ACBD5: variants seen among roughly 807,000 people sequenced by gnomAD.
The protein encoded by ACBD5 is acyl-CoA binding domain containing 5.
ACBD5 carries 40 observed loss-of-function variants against 71.8 expected under a neutral mutation model. The observed-to-expected ratio is 0.56, with a 90% CI of 0.43 to 0.72. The LOEUF (loss-of-function observed/expected upper bound fraction) is 0.72. Ranked by LOEUF, ACBD5 falls within the 30% of genes least tolerant of loss-of-function variation. The probability of loss-of-function intolerance (pLI) is 0.00; values close to 1 mark genes in which losing one functional copy is unlikely to be tolerated. For missense variants in ACBD5, 559 were observed against 644.5 expected (o/e 0.87, Z 1.44); for synonymous variants, 229 against 218.6 (o/e 1.05, Z -0.42).
At chr10:27,225,622 A>T (rs938712785) in intron 4 of ACBD5, among the ~76,000 whole-genome samples, 2 of 152,228 alleles carry the variant, frequency 1.3e-5, no homozygotes, top group African/African-American at 4.8e-5. Flanking sequence ...GGCCATGTGG[A>T]GGAATGTTTT....
At chr10:27,199,073 C>T (rs1235629958) in intron 12 of ACBD5, among the ~76,000 whole-genome samples, 1 of 151,644 alleles carries the variant, frequency 6.6e-6, no homozygotes, top group African/African-American at 2.4e-5. Context: ...CGGGCCACTG[C>T]ACTCCAGCCT....
chr10:27,225,428 G>C (rs995938934), intron 4 of ACBD5, among the ~76,000 whole-genome samples: 8 of 152,118 alleles, frequency 5.3e-5, no homozygotes, highest in African/African-American at 1.7e-4. Flanking sequence ...ATGTGTAGGA[G>C]GAGGTTGTTG....
intron 4 of ACBD5, among the ~76,000 whole-genome samples, chr10:27,227,290 TGA>T (rs2063203671): frequency 6.6e-6 from 1 of 152,116 alleles, no homozygotes; most frequent in Non-Finnish European, 1.5e-5. Flanking sequence ...TTTTCCTCAG[TGA>T]GAGACATCAT....
downstream of ACBD5, chr10:27,193,567 TC>T (rs1458130012): frequency 2.6e-5 from 4 of 152,244 alleles, no homozygotes; most frequent in African/African-American, 9.6e-5. Context: ...GTGAGGAGTC[TC>T]CTGTGTGGGA....
At chr10:27,222,410 T>TAAAAAAAAAAA (rs11322768) in intron 5 of ACBD5, among the ~76,000 whole-genome samples, 1 of 140,402 alleles carries the variant, frequency 7.1e-6, no homozygotes, top group Non-Finnish European at 1.5e-5. Flanking sequence ...GACAAAATTC[T>TAAAAAAAAAAA]AAAAAAAAAA....
rs753512408 is a variant in ACBD5 at position 27,240,516 on chromosome 10, T to C, written c.16-32A>G. 1.9e-6 allele frequency: 3 copies of C among 1,574,410 alleles called. No homozygotes were observed. Among genetic ancestry groups the C allele is most frequent in the South Asian group, 2.3e-5 (2 of 87,382 alleles). On this transcript the variant is annotated intron_variant, in intron 1 of 12. Coordinates refer to ENST00000396271, the MANE Select transcript of ACBD5 (RefSeq NM_145698.5). The surrounding 1 kb of genome is among the most constrained non-coding windows in gnomAD (Gnocchi z 4.1). ...CATGGAGCGCAGCCGCGGATCAACA[T>C]GCCCCAAAAGGAGGAGGCCCGGGAG...
chr10:27,197,459 A>G lies in ACBD5; in HGVS notation c.1566-17T>C, dbSNP rs1201903936. 3.1e-6 allele frequency: 5 copies of G among 1,593,894 alleles called. No homozygotes were observed. Among genetic ancestry groups the G allele is most frequent in the African/African-American group, 2.7e-5 (2 of 74,472 alleles). ...TTCAGTTTTCTTTAAAAAGAAAATA[A>G]AAACCAATTTCCTGTGAGTATGAAT... On this transcript the variant is annotated splice_polypyrimidine_tract_variant and intron_variant, in intron 12 of 12. Coordinates refer to ENST00000396271, the MANE Select transcript of ACBD5 (RefSeq NM_145698.5).
intron 4 of ACBD5, among the ~76,000 whole-genome samples, chr10:27,230,823 A>T (rs2063763439): frequency 6.7e-6 from 1 of 150,024 alleles, no homozygotes; most frequent in Non-Finnish European, 1.5e-5. Context: ...AGACTCTATG[A>T]TCATCTTTAA....
chr10:27,212,396 T>C (rs187722470), intron 8 of ACBD5, among the ~76,000 whole-genome samples: 1 of 152,224 alleles, frequency 6.6e-6, no homozygotes, highest in African/African-American at 2.4e-5. Flanking sequence ...AACTAGAATG[T>C]AGCAGCTGGA....
intron 5 of ACBD5, among the ~76,000 whole-genome samples, chr10:27,220,714 T>C (rs1238628110): frequency 6.6e-6 from 1 of 152,082 alleles, no homozygotes; most frequent in African/African-American, 2.4e-5. Flanking sequence ...CATATGAAAA[T>C]GTGAGGGATC....
At chr10:27,213,843 A>C (rs747089982) in intron 8 of ACBD5, among the ~76,000 whole-genome samples, 7 of 152,178 alleles carry the variant, frequency 4.6e-5, no homozygotes, top group African/African-American at 7.2e-5. Context: ...AAGGAAATCA[A>C]TATATTGAAG....
chr10:27,222,278 TC>T (rs2062449138), intron 5 of ACBD5, among the ~76,000 whole-genome samples: 3 of 152,166 alleles, frequency 2.0e-5, no homozygotes, highest in Non-Finnish European at 4.4e-5. Context: ...TGGTCTCATT[TC>T]ACTCTGCTTT....
In ACBD5 at chr10:27,196,065, G is replaced by A. The variant is rs1377011222; in HGVS notation, c.*1365C>T. 2.3e-6 allele frequency: 1 copy of A among 426,948 alleles called. No homozygotes were observed. The highest frequency in any genetic ancestry group is 1.7e-5 in the South Asian group (1 of 59,660). 26.4% of individuals were successfully genotyped at this position (426,948 alleles called of 1,614,324 possible). The stretch of plus-strand genomic sequence containing the variant: ...TAAAAATACAAAATTAGCCAGGCAT[G>A]GTGGTGCATGCCTGTAATCCCAGCT... On this transcript the variant is annotated 3_prime_UTR_variant, in exon 13 of 13. Transcript: ENST00000396271.
At chr10:27,226,448 CTACACACA>C (rs759222121) in intron 4 of ACBD5, among the ~76,000 whole-genome samples, 1 of 90,794 alleles carries the variant, frequency 1.1e-5, no homozygotes, top group Non-Finnish European at 2.4e-5. Context: ...GAGATACAGA[CTACACACA>C]CACACACACA....
In ACBD5 at chr10:27,240,096, A is replaced by G. The variant is rs1589433491; in HGVS notation, c.181+223T>C. Among the ~76,000 whole-genome samples, 1 of 152,306 alleles carries G rather than the reference A, an allele frequency of 6.6e-6. No individual in the cohort carries two copies. Among genetic ancestry groups the G allele is most frequent in the South Asian group, 2.1e-4 (1 of 4,830 alleles). On this transcript the variant is annotated intron_variant, in intron 2 of 12. Coordinates refer to ENST00000396271, the MANE Select transcript of ACBD5 (RefSeq NM_145698.5). This position sits in a 1 kb window ranked among gnomAD's most constrained non-coding sequence, Gnocchi z 4.1. ...AAATCCGCAGTCATTAAGTGACAAG[A>G]CTTTTGTTTTCAACAATATGAAGTA...
At chr10:27,220,595 A>G (rs2062209812) in intron 5 of ACBD5, 2 of 152,200 alleles carry the variant, frequency 1.3e-5, no homozygotes. Context: ...TTGAAAGACA[A>G]TATTTTTGAG....
chr10:27,224,060 A>G (rs763344179), intron 4 of ACBD5, among the ~76,000 whole-genome samples: 8 of 151,814 alleles, frequency 5.3e-5, no homozygotes, highest in Non-Finnish European at 1.0e-4. Context: ...ATAACTTATA[A>G]ATTGTGTATT....
chr10:27,216,528 G>A (rs1437450986), intron 7 of ACBD5, among the ~76,000 whole-genome samples: 2 of 151,942 alleles, frequency 1.3e-5, no homozygotes, highest in African/African-American at 2.4e-5. Flanking sequence ...CACCCGCCTC[G>A]GCCTCCCAAA....
Position 27,240,454 on chromosome 10 carries a change from A to T in ACBD5, c.46T>A (p.Cys16Ser). Residue 16 changes from cysteine to serine, a missense_variant, in exon 2 of 13, where the codon TGC (cysteine) becomes AGC (serine). By Grantham distance (112) the Cys-to-Ser change is moderately radical. Coordinates refer to ENST00000396271, the MANE Select transcript of ACBD5 (RefSeq NM_145698.5). The surrounding 1 kb of genome is among the most constrained non-coding windows in gnomAD (Gnocchi z 4.1). Reference protein sequence around the residue: ...FHAGSWESWCCCCLIPADRPW... With the variant: ...FHAGSWESWCSCCLIPADRPW... Reference sequence around the variant, plus strand: ...CTGTCGGCGGGAATCAGGCAGCAGCAGCACCAGCTTTCCCAAGAGCCTGCA... The same window carrying T: ...CTGTCGGCGGGAATCAGGCAGCAGCTGCACCAGCTTTCCCAAGAGCCTGCA... 6.2e-7 allele frequency: 1 copy of T among 1,613,718 alleles called. No individual in the cohort carries two copies. The highest frequency in any genetic ancestry group is 2.2e-5 in the East Asian group (1 of 44,864).
Sources: allele counts gnomAD v4.1 joint callset (sites outside exome capture counted in the v4.1 genomes callset), GRCh38; gene constraint gnomAD v4.1.1; non-coding constraint Gnocchi (gnomAD v3.1); transcripts MANE v1.5; gene names NCBI Gene and HGNC (gene_info 2026-07-23, HGNC 2026-07-21).